Variants in TOR1AIP1 observed in about 807,000 individuals in gnomAD.
TOR1AIP1 encodes torsin-1A-interacting protein 1.
Under a neutral mutation model 63.3 loss-of-function variants are expected in TOR1AIP1, and 54 were observed. The ratio of observed to expected loss-of-function variants is 0.85; its 90% CI spans 0.69 to 1.07. The LOEUF is 1.07. Among genes scored for constraint, TOR1AIP1 ranks in the 50% least tolerant of loss-of-function variants. The pLI, the probability that TOR1AIP1 is intolerant of heterozygous loss-of-function variation, is 0.00. For missense variants in TOR1AIP1, 736 were observed against 715.0 expected, an observed-to-expected ratio of 1.03 and a Z score of -0.33; for synonymous variants, 294 against 273.5, an observed-to-expected ratio of 1.07 and a Z score of -0.74.
chr1:179,884,315 GCTAA>G (rs369900860), intron 1 of TOR1AIP1, among the ~76,000 whole-genome samples: 47 of 152,128 alleles, frequency 3.1e-4, no homozygotes, highest in African/African-American at 7.2e-4. Context: ...AGTTATACAG[GCTAA>G]CTTTTTTTTA....
chr1:179,900,633 A>T (rs980349623), intron 4 of TOR1AIP1: 1 of 152,484 alleles, frequency 6.6e-6, no homozygotes, highest in Admixed American at 6.5e-5. Flanking sequence ...AAAAAAATTC[A>T]TGCTTATCTG....
At position 179,918,087 on chromosome 1, in the gene TOR1AIP1, G is replaced by A; in HGVS notation, c.1600G>A (p.Asp534Asn). The A allele has an allele frequency of 6.2e-7, 1 of 1,614,204 alleles. No homozygotes were observed. The highest frequency in any genetic ancestry group is 8.5e-7 in the Non-Finnish European group (1 of 1,180,046). ...AAAGGAAGTTGAAGAAAAAGTAAGA[G>A]ATTTTCTTAAAGTCAAGTTCACCAA... The part of the protein sequence containing the change: ...GLKEVEEKVR[D>N]FLKVKFTNSN... The change falls in exon 10 of 10, where the codon GAT becomes AAT. Residue 534 changes from aspartate to asparagine, a missense_variant. Coordinates refer to ENST00000606911, the MANE Select transcript of TOR1AIP1 (RefSeq NM_015602.4).
intron 6 of TOR1AIP1, among the ~76,000 whole-genome samples, chr1:179,907,593 T>TTATA (rs55752745): frequency 3.1e-3 from 198 of 63,236 alleles, no homozygotes; most frequent in Middle Eastern, 0.019. Context: ...CACACACACT[T>TTATA]TATATATATA....
At chr1:179,910,796 AG>A (rs1322114025) in intron 8 of TOR1AIP1, among the ~76,000 whole-genome samples, 2 of 152,196 alleles carry the variant, frequency 1.3e-5, no homozygotes, top group African/African-American at 4.8e-5. Context: ...GTACATTCTG[AG>A]TAATTAATAT....
chr1:179,906,839 G>A (rs534333937), intron 6 of TOR1AIP1, among the ~76,000 whole-genome samples: 5 of 141,238 alleles, frequency 3.5e-5, no homozygotes, highest in East Asian at 2.2e-4. Flanking sequence ...CCAGGTTCAC[G>A]CCCTTCTTCT....
chr1:179,907,855 T>G lies in TOR1AIP1; in HGVS notation c.829T>G (p.Ser277Ala). Reference protein sequence around the residue: ...QNFTAHDKQPSVLSSGYQKTP... With the variant: ...QNFTAHDKQPAVLSSGYQKTP... Reference sequence around the variant, plus strand: ...CTTCACAGCTCATGATAAGCAACCTTCAGTGCTAAGTAAGTAGTTGGTTGT... The same window carrying G: ...CTTCACAGCTCATGATAAGCAACCTGCAGTGCTAAGTAAGTAGTTGGTTGT... The change falls in exon 7 of 10, where the codon TCA becomes GCA. Residue 277 changes from serine to alanine, a missense_variant. Ser to Ala is a moderately conservative substitution (Grantham distance 99). Coordinates refer to ENST00000606911, the MANE Select transcript of TOR1AIP1 (RefSeq NM_015602.4). The G allele has an allele frequency of 6.3e-7, 1 of 1,584,128 alleles. No individual in the cohort carries two copies. The highest frequency in any genetic ancestry group is 1.2e-5 in the South Asian group (1 of 86,940).
intron 2 of TOR1AIP1, 104 bp from the exon 3 acceptor site, chr1:179,889,209 G>C: frequency 1.2e-6 from 1 of 852,260 alleles, no homozygotes; most frequent in East Asian, 2.8e-5. Context: ...GTAAATAAAA[G>C]CTCTGTAAAC....
chr1:179,898,901 GTTTT>G (rs915169442), intron 3 of TOR1AIP1, among the ~76,000 whole-genome samples: 1 of 146,760 alleles, frequency 6.8e-6, no homozygotes, highest in African/African-American at 2.5e-5. Flanking sequence ...CTCTGGGTTA[GTTTT>G]TTTTTTTAAA....
At chr1:179,909,140 G>A (rs531225559) in intron 8 of TOR1AIP1, among the ~76,000 whole-genome samples, 11 of 151,842 alleles carry the variant, frequency 7.2e-5, no homozygotes, top group East Asian at 5.8e-4. Flanking sequence ...CAGCCTGGGC[G>A]ACAGAGCGAG....
chr1:179,916,585 A>G (rs952056992), intron 9 of TOR1AIP1, among the ~76,000 whole-genome samples: 3 of 152,152 alleles, frequency 2.0e-5, no homozygotes, highest in Admixed American at 6.5e-5. Context: ...TGAGTCACAA[A>G]CTAAATTTTA....
intron 2 of TOR1AIP1, among the ~76,000 whole-genome samples, chr1:179,885,855 C>T (rs550521302): frequency 6.6e-6 from 1 of 152,138 alleles, no homozygotes; most frequent in Non-Finnish European, 1.5e-5. Context: ...ATTCTCCTGC[C>T]ATAGCCTCCT....
Position 179,903,964 on chromosome 1 carries a change from A to G in TOR1AIP1, c.740-2A>G, listed in dbSNP as rs756882046. The G allele has an allele frequency of 1.3e-6, 2 of 1,584,338 alleles. No individual in the cohort carries two copies. The highest frequency in any genetic ancestry group is 2.2e-5 in the East Asian group (1 of 44,580). ...TATAGTGTACTGTTTTTTATTTTTT[A>G]GATAAAACCACCAGATCATCTAGTC... On this transcript the variant is annotated splice_acceptor_variant, in intron 5 of 9. Transcript: ENST00000606911. LOFTEE classifies it high-confidence loss of function.
intron 9 of TOR1AIP1, among the ~76,000 whole-genome samples, chr1:179,915,074 A>G (rs1648951191): frequency 6.6e-6 from 1 of 152,216 alleles, no homozygotes. Flanking sequence ...TTGGATTATC[A>G]TATATGCTTC....
In TOR1AIP1 at chr1:179,882,822, G is replaced by C; in HGVS notation, c.320G>C (p.Arg107Pro). Residue 107 changes from arginine to proline, a missense_variant, in exon 1 of 10, where the codon CGG becomes CCG. By Grantham distance (103) the Arg-to-Pro change is moderately radical. Around this residue, in one of 2 missense-constraint regions of TOR1AIP1, gnomAD observed 464 missense variants for 371.0 expected, o/e 1.25. Coordinates refer to ENST00000606911, the MANE Select transcript of TOR1AIP1 (RefSeq NM_015602.4). ...EEVRESAYYL[R>P]SRQRRQPRPQ... The stretch of plus-strand genomic sequence containing the variant: ...GTGAGAGAAAGCGCGTACTACCTTC[G>C]GTCTAGGCAGCGGAGGCAGCCGCGA... 6.2e-7 allele frequency: 1 copy of C among 1,614,172 alleles called. No individual in the cohort carries two copies. Among genetic ancestry groups the C allele is most frequent in the Non-Finnish European group, 8.5e-7 (1 of 1,180,038 alleles).
intron 8 of TOR1AIP1, among the ~76,000 whole-genome samples, 192 bp downstream of exon 8, chr1:179,908,865 C>T (rs1002338327): frequency 7.9e-5 from 12 of 152,040 alleles, no homozygotes; most frequent in South Asian, 2.1e-4. Flanking sequence ...TAAATAGTGG[C>T]GTGAGAAAAC....
chr1:179,886,125 A>G (rs989366146), intron 2 of TOR1AIP1, among the ~76,000 whole-genome samples: 3 of 152,166 alleles, frequency 2.0e-5, no homozygotes, highest in Non-Finnish European at 2.9e-5. Flanking sequence ...TGATGATATA[A>G]TCAGATTTTC....
At chr1:179,892,478 A>T (rs1489839622) in intron 3 of TOR1AIP1, among the ~76,000 whole-genome samples, 1 of 146,764 alleles carries the variant, frequency 6.8e-6, no homozygotes, top group South Asian at 2.2e-4. Flanking sequence ...TGTCTCAAAC[A>T]AAAAAAAAAA....
Position 179,918,004 on chromosome 1 carries a change from T to C in TOR1AIP1, c.1517T>C (p.Val506Ala), listed in dbSNP as rs1218884503. ...CDHENAAFKD[V>A]ALVLTVLLEE... ...CATGAAAACGCGGCCTTCAAAGATG[T>C]AGCCTTAGTCCTGACTGTCTTATTG... The change falls in exon 10 of 10, where the codon GTA (valine) becomes GCA (alanine). Residue 506 changes from valine (V) to alanine (A), a missense_variant. This residue lies in a region of TOR1AIP1 where 272 missense variants were observed against 344.1 expected (regional missense o/e 0.79). Coordinates refer to ENST00000606911, the MANE Select transcript of TOR1AIP1 (RefSeq NM_015602.4). The C allele has an allele frequency of 4.3e-6, 7 of 1,614,118 alleles. No individual in the cohort carries two copies. Among genetic ancestry groups the C allele is most frequent in the Non-Finnish European group, 5.9e-6 (7 of 1,180,054 alleles).
Position 179,884,435 on chromosome 1 carries a change from T to G in TOR1AIP1, c.476-257T>G, listed in dbSNP as rs1279264781. 2.0e-5 allele frequency among the ~76,000 whole-genome samples: 3 copies of G among 152,232 alleles called. No individual in the cohort carries two copies. In the East Asian group the frequency reaches 5.8e-4, roughly 29 times the overall value. ...TTTGTGACTCTCTACCCCATCTTTT[T>G]GATTTTCTGAAGTAATATATTTTTG... On this transcript the variant is annotated intron_variant, in intron 1 of 9. Coordinates refer to ENST00000606911, the MANE Select transcript of TOR1AIP1 (RefSeq NM_015602.4).
Sources: gnomAD v4.1 joint callset for allele counts (sites outside exome capture counted in the v4.1 genomes callset) on GRCh38, gnomAD v4.1.1 for gene constraint, gnomAD v4.1.1 regional missense constraint, MANE v1.5 for transcripts, NCBI Gene and HGNC (gene_info 2026-07-23, HGNC 2026-07-21) for gene names.